PLEKHB2: variants seen among roughly 807,000 people sequenced by gnomAD.
PLEKHB2 encodes the protein pleckstrin homology domain containing B2.
A neutral mutation model predicts 36.5 loss-of-function variants in PLEKHB2; 31 were observed. That is an observed-to-expected ratio of 0.85 (90% CI 0.64 to 1.15). The LOEUF (loss-of-function observed/expected upper bound fraction) is 1.15, where lower values mean the gene tolerates loss of function less well. PLEKHB2 is among the 50% of genes most tolerant of loss of function. The pLI is 0.00. For missense variants in PLEKHB2, 262 were observed against 295.3 expected, an observed-to-expected ratio of 0.89 and a Z score of 0.83; for synonymous variants, 119 against 112.0, an observed-to-expected ratio of 1.06 and a Z score of -0.39.
At chr2:131,105,444 C>G (rs576333206) in intron 1 of PLEKHB2, 46 bp downstream of exon 1, 8 of 153,068 alleles carry the variant, frequency 5.2e-5, no homozygotes, top group African/African-American at 1.9e-4. Context: ...CCTTTCCCCT[C>G]TGGCCCGCGC....
At chr2:131,120,673 T>C (rs1218281702) in intron 1 of PLEKHB2, 4 of 533,316 alleles carry the variant, frequency 7.5e-6, no homozygotes, top group East Asian at 3.3e-5. Context: ...TGCTTTATGT[T>C]TGTTGAGTGG....
intron 6 of PLEKHB2, among the ~76,000 whole-genome samples, chr2:131,134,396 A>G (rs372357349): frequency 7.0e-4 from 106 of 152,198 alleles, no homozygotes; most frequent in African/African-American, 2.4e-3. Flanking sequence ...AAAACTTAAC[A>G]TGACAAACCT....
intron 7 of PLEKHB2, among the ~76,000 whole-genome samples, chr2:131,143,384 C>G (rs1698978898): frequency 6.6e-6 from 1 of 152,186 alleles, no homozygotes; most frequent in Non-Finnish European, 1.5e-5. Context: ...TATCATATGT[C>G]CATCACTGGC....
At chr2:131,120,746 G>C in intron 1 of PLEKHB2, 188 bp from the exon 2 acceptor site, 1 of 666,654 alleles carries the variant, frequency 1.5e-6, no homozygotes, top group Non-Finnish European at 2.7e-6. Flanking sequence ...GGAAGGGAGG[G>C]GGTACAGAGT....
At chr2:131,124,652 C>T (rs1219369079) in intron 2 of PLEKHB2, among the ~76,000 whole-genome samples, 2 of 152,136 alleles carry the variant, frequency 1.3e-5, no homozygotes. Context: ...AGGGCCTGGT[C>T]TATATCCTGC....
At chr2:131,140,841 C>T (rs1698715390) in intron 7 of PLEKHB2, among the ~76,000 whole-genome samples, 1 of 152,208 alleles carries the variant, frequency 6.6e-6, no homozygotes, top group Admixed American at 6.5e-5. Context: ...CTGGCCACTG[C>T]TGGAACTGCA....
chr2:131,117,112 T>C (rs1204422504), intron 1 of PLEKHB2, among the ~76,000 whole-genome samples: 1 of 150,310 alleles, frequency 6.7e-6, no homozygotes. Flanking sequence ...ACAGCTAAAC[T>C]CCGTCCAAAA....
chr2:131,112,787 A>T (rs1224573211), intron 1 of PLEKHB2, among the ~76,000 whole-genome samples: 2 of 152,168 alleles, frequency 1.3e-5, no homozygotes, highest in African/African-American at 4.8e-5. Flanking sequence ...AGGGAAGATT[A>T]AAAAAACCCC....
chr2:131,110,162 A>G (rs767245799), intron 1 of PLEKHB2, among the ~76,000 whole-genome samples: 4 of 152,108 alleles, frequency 2.6e-5, no homozygotes, highest in African/African-American at 4.8e-5. Flanking sequence ...TAAAATTGCT[A>G]TTGATTTACA....
At chr2:131,145,948 C>T (rs1319737137) in intron 7 of PLEKHB2, among the ~76,000 whole-genome samples, 2 of 151,682 alleles carry the variant, frequency 1.3e-5, no homozygotes, top group South Asian at 2.1e-4. Context: ...TTTGGGAGGC[C>T]GACGCGGGTG....
intron 1 of PLEKHB2, among the ~76,000 whole-genome samples, chr2:131,112,973 G>A (rs1266382972): frequency 6.6e-6 from 1 of 152,194 alleles, no homozygotes; most frequent in Non-Finnish European, 1.5e-5. Context: ...GCTGGTGTCT[G>A]AAGGGTGGGC....
Position 131,120,902 on chromosome 2 carries a change from T to C in PLEKHB2, c.-8-32T>C, listed in dbSNP as rs752292347. On this transcript the variant is annotated intron_variant, in intron 1 of 7. Coordinates refer to ENST00000693505, the MANE Select transcript of PLEKHB2 (RefSeq NM_001100623.2). ...GGACAGGCTATTCTCTTTCTGGGTA[T>C]GATTTTGAACCTGCCTGTTTTTGTT... 3 of 1,609,978 alleles carry C rather than the reference T, an allele frequency of 1.9e-6. 1 individual carries two copies. In the South Asian group the frequency reaches 3.3e-5, roughly 18 times the overall value.
chr2:131,116,818 C>G (rs905794262), intron 1 of PLEKHB2, among the ~76,000 whole-genome samples: 1 of 152,116 alleles, frequency 6.6e-6, no homozygotes, highest in Non-Finnish European at 1.5e-5. Context: ...AAGGTTTTAC[C>G]TAAAAGTCTC....
intron 7 of PLEKHB2, chr2:131,144,484 T>G: frequency 5.2e-6 from 5 of 957,390 alleles, no homozygotes; most frequent in Non-Finnish European, 6.8e-6. Flanking sequence ...ATTTGGGGAC[T>G]ATAGTCCTCC....
chr2:131,115,535 A>G (rs11674878), intron 1 of PLEKHB2, among the ~76,000 whole-genome samples: 27,636 of 151,212 alleles, frequency 0.18, 3,089 homozygotes, highest in African/African-American at 0.32. Flanking sequence ...TAATATTTTT[A>G]GTAGAGACGG....
rs1366806525 is a variant in PLEKHB2, at chr2:131,146,798, A to G, written c.*25A>G. The G allele has an allele frequency of 1.9e-6, 3 of 1,555,702 alleles. No individual in the cohort carries two copies. The highest frequency in any genetic ancestry group is 4.0e-5 in the Admixed American group (2 of 50,490). ...GGGGCCTCAAGGTCTTGATGTGCAT[A>G]GCTTCTGATAACCCTGTGTGCAATA... On this transcript the variant is annotated 3_prime_UTR_variant, in exon 8 of 8. Transcript: ENST00000693505.
chr2:131,120,123 C>T (rs1696336813), intron 1 of PLEKHB2: 1 of 152,200 alleles, frequency 6.6e-6, no homozygotes, highest in South Asian at 2.1e-4. Context: ...CGGACCACCA[C>T]ACCTGGCTAA....
intron 1 of PLEKHB2, among the ~76,000 whole-genome samples, chr2:131,112,730 T>C (rs566350885): frequency 1.3e-5 from 2 of 152,202 alleles, no homozygotes; most frequent in East Asian, 3.9e-4. Context: ...GTGTAACTTG[T>C]AGTAACAGTC....
chr2:131,109,003 G>A (rs1256523179), intron 1 of PLEKHB2, among the ~76,000 whole-genome samples: 1 of 152,114 alleles, frequency 6.6e-6, no homozygotes, highest in Non-Finnish European at 1.5e-5. Flanking sequence ...TAACTCTAAA[G>A]CTTATACCCA....
Sources: allele counts gnomAD v4.1 joint callset (sites outside exome capture counted in the v4.1 genomes callset), GRCh38; gene constraint gnomAD v4.1.1; transcripts MANE v1.5; gene names NCBI Gene and HGNC (gene_info 2026-07-23, HGNC 2026-07-21).